SRP54: variants seen among roughly 807,000 people sequenced by gnomAD.
SRP54 encodes the protein signal recognition particle subunit SRP54.
Under a neutral mutation model 64.8 loss-of-function variants are expected in SRP54, and 10 were observed. The ratio of observed to expected loss-of-function variants is 0.15; its 90% CI spans 0.10 to 0.26. SRP54 has a LOEUF of 0.26. Ranked by LOEUF, SRP54 falls within the 10% of genes least tolerant of loss-of-function variation. SRP54 has a pLI of 1.00. For synonymous variants in SRP54, 193 were observed against 185.6 expected, an observed-to-expected ratio of 1.04 and a Z score of -0.32; for missense variants, 325 against 613.7, an observed-to-expected ratio of 0.53 and a Z score of 4.97.
chr14:35,014,920 T>A, intron 11 of SRP54, 90 bp downstream of exon 11: 1 of 890,756 alleles, frequency 1.1e-6, no homozygotes, highest in Non-Finnish European at 1.7e-6. Context: ...AAATGTAATA[T>A]CTGTTAGAGT....
intron 13 of SRP54, among the ~76,000 whole-genome samples, chr14:35,020,042 G>T (rs1048338990): frequency 5.9e-5 from 9 of 151,902 alleles, no homozygotes; most frequent in Non-Finnish European, 1.0e-4. Context: ...AAAATTAGCC[G>T]GGCGTGGTGG....
intron 1 of SRP54, among the ~76,000 whole-genome samples, chr14:34,995,241 T>C (rs913476903): frequency 1.3e-5 from 2 of 149,978 alleles, no homozygotes; most frequent in Non-Finnish European, 2.9e-5. Flanking sequence ...TATAAGGAAT[T>C]GGCTCAGGCC....
intron 10 of SRP54, among the ~76,000 whole-genome samples, chr14:35,014,196 G>T (rs961065220): frequency 6.6e-6 from 1 of 151,730 alleles, no homozygotes; most frequent in African/African-American, 2.4e-5. Context: ...TCTCAAGGTG[G>T]TATAGTTAGA....
At chr14:34,986,709 C>G (rs905119566) in intron 1 of SRP54, among the ~76,000 whole-genome samples, 1 of 151,972 alleles carries the variant, frequency 6.6e-6, no homozygotes, top group African/African-American at 2.4e-5. Context: ...GAAAACCCAT[C>G]TCTACTACAA....
At chr14:34,994,928 G>C (rs1014757252) in intron 1 of SRP54, among the ~76,000 whole-genome samples, 2 of 129,108 alleles carry the variant, frequency 1.5e-5, no homozygotes, top group Non-Finnish European at 3.2e-5. Flanking sequence ...GCCATGCCTG[G>C]CTACTTTTTT....
At chr14:35,008,480 A>G (rs1277851812) in intron 5 of SRP54, 147 bp from the exon 6 acceptor site, 4 of 481,954 alleles carry the variant, frequency 8.3e-6, no homozygotes, top group Non-Finnish European at 1.4e-5. Context: ...AATTTGCCAC[A>G]TTCAAAAATC....
chr14:34,987,862 T>A (rs764088875), intron 1 of SRP54, among the ~76,000 whole-genome samples: 4 of 152,236 alleles, frequency 2.6e-5, no homozygotes, highest in Non-Finnish European at 5.9e-5. Flanking sequence ...ATACTACATA[T>A]GCAGTTTTGT....
At chr14:34,986,234 A>G (rs1594973841) in intron 1 of SRP54, among the ~76,000 whole-genome samples, 2 of 152,196 alleles carry the variant, frequency 1.3e-5, no homozygotes, top group Admixed American at 1.3e-4. Context: ...TACTTTAATG[A>G]AGAGAAAGTT....
At chr14:34,984,540 C>T (rs1456007656) in intron 1 of SRP54, among the ~76,000 whole-genome samples, 1 of 152,136 alleles carries the variant, frequency 6.6e-6, no homozygotes, top group Non-Finnish European at 1.5e-5. Context: ...TTTGCTCTGT[C>T]GCCCAGACTG....
At chr14:35,010,624 G>A (rs1340145005) in intron 7 of SRP54, among the ~76,000 whole-genome samples, 3 of 151,646 alleles carry the variant, frequency 2.0e-5, no homozygotes, top group African/African-American at 7.3e-5. Flanking sequence ...AATTAGCCAG[G>A]CCTGGTGGCA....
chr14:35,003,868 A>T (rs1298055464), intron 4 of SRP54, among the ~76,000 whole-genome samples: 1 of 150,888 alleles, frequency 6.6e-6, no homozygotes, highest in African/African-American at 2.4e-5. Flanking sequence ...CGGGAGGTGG[A>T]GGTTGCAGTG....
chr14:34,993,244 A>T, intron 1 of SRP54: 1 of 152,212 alleles, frequency 6.6e-6, no homozygotes, highest in Non-Finnish European at 1.5e-5. Flanking sequence ...ATAGGATTCT[A>T]TCACTCCCAG....
At chr14:34,998,630 A>G (rs2044107357) in intron 2 of SRP54, among the ~76,000 whole-genome samples, 1 of 151,792 alleles carries the variant, frequency 6.6e-6, no homozygotes, top group South Asian at 2.1e-4. Context: ...TGGCCAACAT[A>G]GTGAAACTCC....
At chr14:35,024,058 C>T (rs1434709148) in intron 14 of SRP54, among the ~76,000 whole-genome samples, 1 of 152,058 alleles carries the variant, frequency 6.6e-6, no homozygotes, top group Admixed American at 6.6e-5. Context: ...GACAGAGTCT[C>T]TCTCTGTCAC....
At chr14:35,022,579 A>G in intron 13 of SRP54, among the ~76,000 whole-genome samples, 1 of 151,868 alleles carries the variant, frequency 6.6e-6, no homozygotes, top group Non-Finnish European at 1.5e-5. Flanking sequence ...CTGGTGTCGA[A>G]CTCCTGACCT....
At chr14:35,010,949 A>G (rs1289359237) in intron 7 of SRP54, among the ~76,000 whole-genome samples, 2 of 152,152 alleles carry the variant, frequency 1.3e-5, no homozygotes, top group Non-Finnish European at 2.9e-5. Context: ...GAGACATGCC[A>G]TGGTCTTGCT....
chr14:35,004,356 A>C (rs541976139), intron 4 of SRP54, among the ~76,000 whole-genome samples: 1 of 152,346 alleles, frequency 6.6e-6, no homozygotes, highest in Admixed American at 6.5e-5. Flanking sequence ...ATTAATGAAT[A>C]AAGTTTTTTG....
intron 14 of SRP54, among the ~76,000 whole-genome samples, chr14:35,024,485 T>C (rs532092492): frequency 2.0e-4 from 31 of 152,328 alleles, no homozygotes; most frequent in African/African-American, 7.5e-4. Context: ...TATATCTTTG[T>C]AATAGCTCCT....
chr14:35,011,696 T>A, intron 8 of SRP54, 37 bp downstream of exon 8: 1 of 1,429,884 alleles, frequency 7.0e-7, no homozygotes, highest in Non-Finnish European at 9.3e-7. Flanking sequence ...TATTAGGACT[T>A]TGGTTAATTT....
Sources: gnomAD v4.1 joint callset for allele counts (sites outside exome capture counted in the v4.1 genomes callset) on GRCh38, gnomAD v4.1.1 for gene constraint, MANE v1.5 for transcripts, NCBI Gene and HGNC (gene_info 2026-07-23, HGNC 2026-07-21) for gene names.